Variants in PSMA2 observed in about 807,000 individuals in gnomAD.
PSMA2 encodes the protein proteasome 20S subunit alpha 2.
A neutral mutation model predicts 35.9 loss-of-function variants in PSMA2; 2 were observed. The observed-to-expected ratio is 0.06, with a 90% CI of 0.02 to 0.18. The LOEUF is 0.18. PSMA2 is among the 10% of genes least tolerant of loss of function. The probability of loss-of-function intolerance (pLI) is 1.00; values close to 1 mark genes in which losing one functional copy is unlikely to be tolerated. For missense variants in PSMA2, 126 were observed against 278.8 expected (o/e 0.45, Z 3.90); for synonymous variants, 97 against 98.2 (o/e 0.99, Z 0.07).
At chr7:42,919,809 G>A in intron 6 of PSMA2, 1 of 696,224 alleles carries the variant, frequency 1.4e-6, no homozygotes, top group Non-Finnish European at 2.7e-6. Context: ...TAATAGTGGA[G>A]AAGAATTAGA....
At chr7:42,919,306 C>T (rs1786087459) in intron 6 of PSMA2, 1 of 602,742 alleles carries the variant, frequency 1.7e-6, no homozygotes, top group Non-Finnish European at 3.3e-6. Flanking sequence ...GTGTGGGATG[C>T]TATCCCAGGA....
chr7:42,922,743 A>G (rs2162602), intron 5 of PSMA2, among the ~76,000 whole-genome samples: 12,710 of 152,284 alleles, frequency 0.083, 613 homozygotes, highest in Middle Eastern at 0.13. Context: ...TCCATAAAAC[A>G]TGAAAGATCA....
chr7:42,925,179 A>G (rs938264115), intron 3 of PSMA2, among the ~76,000 whole-genome samples: 2 of 152,190 alleles, frequency 1.3e-5, no homozygotes, highest in African/African-American at 4.8e-5. Context: ...TTCTCACTTC[A>G]GGTCACTACT....
At chr7:42,921,524 G>A (rs1011740268) in intron 6 of PSMA2, 1 of 180,378 alleles carries the variant, frequency 5.5e-6, no homozygotes, top group African/African-American at 2.4e-5. Context: ...TTAAAAATTT[G>A]TCTCCCCAAA....
rs1453271169 is a variant in PSMA2, at chr7:42,919,022, C to T, written c.531-1187G>A. ...TATTTTTAGTAGAGACGGGGTTTCA[C>T]CATGTTGGCCCAGCTGGTCTCGAAC... On this transcript the variant is annotated intron_variant, in intron 6 of 7. Transcript: ENST00000223321. 2.7e-5 allele frequency: 7 copies of T among 256,444 alleles called. No homozygotes were observed. In the Admixed American group the frequency reaches 3.2e-4, roughly 12 times the overall value. The allele number at this position is 256,444 out of a possible 1,614,324, so 15.9% of individuals were successfully genotyped here.
rs547806593 is a variant in PSMA2 at position 42,917,412 on chromosome 7, TG to T, written c.*161del. On this transcript the variant is annotated 3_prime_UTR_variant, in exon 8 of 8. Coordinates refer to ENST00000223321, the MANE Select transcript of PSMA2 (RefSeq NM_002787.5). ...TAGCAACTCCTAAAAGGCTGGAAGG[TG>T]GGTTTAACAGTTTATTAGGATTTAT... The T allele has an allele frequency of 1.7e-3, 918 of 544,614 alleles. No homozygotes were observed. Among genetic ancestry groups the T allele is most frequent in the Middle Eastern group, 5.4e-3 (11 of 2,020 alleles). The allele number at this position is 544,614 out of a possible 1,614,324, so 33.7% of individuals were successfully genotyped here.
At chr7:42,924,618 T>A in intron 4 of PSMA2, 57 bp downstream of exon 4, 1 of 1,551,156 alleles carries the variant, frequency 6.4e-7, no homozygotes, top group Middle Eastern at 1.9e-4. Context: ...TACCTACTCT[T>A]TAAAATAACT....
Position 42,923,173 on chromosome 7 carries a change from T to A in PSMA2, c.456+152A>T. The A allele has an allele frequency of 4.9e-6, 3 of 610,124 alleles. No individual in the cohort carries two copies. In the South Asian group the frequency reaches 7.0e-5, roughly 14 times the overall value. 37.8% of individuals were successfully genotyped at this position (610,124 alleles called of 1,614,324 possible). Reference sequence around the variant, plus strand: ...GACCAAATTACCAAAATTTTAAATATACACACAAAAATGCACAACCTCATA... The same window carrying A: ...GACCAAATTACCAAAATTTTAAATAAACACACAAAAATGCACAACCTCATA... On this transcript the variant is annotated intron_variant, in intron 5 of 7. Transcript: ENST00000223321.
At chr7:42,918,073 C>CT (rs56108431) in intron 6 of PSMA2, 141,403 of 167,444 alleles carry the variant, frequency 0.84, 59,594 homozygotes, top group Admixed American at 0.87. Flanking sequence ...GTTTAGGAAA[C>CT]TTTTTTTTTT....
intron 3 of PSMA2, among the ~76,000 whole-genome samples, chr7:42,925,024 AC>A (rs2128674316): frequency 6.6e-6 from 1 of 152,340 alleles, no homozygotes; most frequent in Non-Finnish European, 1.5e-5. Flanking sequence ...GATTTAATGT[AC>A]AAAAATGAGA....
chr7:42,928,338 C>T (rs893284422), intron 1 of PSMA2, among the ~76,000 whole-genome samples: 1 of 152,082 alleles, frequency 6.6e-6, no homozygotes, highest in Non-Finnish European at 1.5e-5. Context: ...TGTTAAAAAC[C>T]AAACAGCAGC....
In PSMA2 at chr7:42,924,687, T is replaced by C; in HGVS notation, c.362A>G (p.Tyr121Cys). Residue 121 changes from tyrosine (Y) to cysteine (C), a missense_variant, in exon 4 of 8, where the codon TAT becomes TGT. Physicochemically the swap from Tyr to Cys is radical, Grantham distance 194. Around this residue, in one of 3 missense-constraint regions of PSMA2, gnomAD observed 78 missense variants for 151.1 expected, o/e 0.52. Transcript: ENST00000223321. ...AAAAGCAACTTACCCTGACTGAGTATATTCTTGCATCACAGAAGCTACTCT... is the reference window on the plus strand; with the variant it reads ...AAAAGCAACTTACCCTGACTGAGTACATTCTTGCATCACAGAAGCTACTCT... ...VQRVASVMQE[Y>C]TQSGGVRPFG... is the part of the protein sequence containing the mutation. The C allele has an allele frequency of 6.2e-7, 1 of 1,612,240 alleles. No individual in the cohort carries two copies. Among genetic ancestry groups the C allele is most frequent in the African/African-American group, 1.3e-5 (1 of 74,984 alleles).
In PSMA2 at chr7:42,924,689, T is replaced by C. The variant is rs765913483; in HGVS notation, c.360A>G (p.Glu120=). 2.5e-6 allele frequency: 4 copies of C among 1,612,478 alleles called. No individual in the cohort carries two copies. Among genetic ancestry groups the C allele is most frequent in the Non-Finnish European group, 2.5e-6 (3 of 1,179,032 alleles). The change falls in exon 4 of 8, where the codon GAA becomes GAG. Residue 120 remains glutamate (E), a synonymous_variant. Coordinates refer to ENST00000223321, the MANE Select transcript of PSMA2 (RefSeq NM_002787.5). ...LVQRVASVMQ[E]YTQSGGVRPF... ...AAGCAACTTACCCTGACTGAGTATA[T>C]TCTTGCATCACAGAAGCTACTCTCT...
intron 1 of PSMA2, among the ~76,000 whole-genome samples, chr7:42,930,225 GCACACACACA>G (rs60660330): frequency 6.0e-5 from 9 of 150,262 alleles, no homozygotes; most frequent in East Asian, 3.9e-4. Context: ...ACACACACAC[GCACACACACA>G]CACACACACA....
Position 42,924,677 on chromosome 7 carries a change from T to A in PSMA2, c.372A>T (p.Ser124=). The A allele has an allele frequency of 1.2e-6, 2 of 1,610,306 alleles. No individual in the cohort carries two copies. Among genetic ancestry groups the A allele is most frequent in the Non-Finnish European group, 1.7e-6 (2 of 1,177,938 alleles). The change falls in exon 4 of 8, where the codon TCA becomes TCT. Residue 124 remains serine, a splice_region_variant and synonymous_variant. Coordinates refer to ENST00000223321, the MANE Select transcript of PSMA2 (RefSeq NM_002787.5). ...VASVMQEYTQ[S]GGVRPFGVSL... is the part of the protein sequence containing the mutation. ...TTCAAGTAAAAAAAGCAACTTACCCTGACTGAGTATATTCTTGCATCACAG... is the reference window on the plus strand; with the variant it reads ...TTCAAGTAAAAAAAGCAACTTACCCAGACTGAGTATATTCTTGCATCACAG...
At chr7:42,924,826 C>T in intron 3 of PSMA2, 29 bp from the exon 4 acceptor site, 1 of 1,593,468 alleles carries the variant, frequency 6.3e-7, no homozygotes. Context: ...GATTTAATTA[C>T]ACAGAACATG....
intron 1 of PSMA2, among the ~76,000 whole-genome samples, chr7:42,930,837 T>C (rs1023929402): frequency 1.3e-5 from 2 of 152,024 alleles, no homozygotes; most frequent in Non-Finnish European, 2.9e-5. Flanking sequence ...AAGGACCACA[T>C]TTGTTTTCTT....
At chr7:42,923,490 G>T in intron 4 of PSMA2, 84 bp from the exon 5 acceptor site, 1 of 1,027,334 alleles carries the variant, frequency 9.7e-7, no homozygotes, top group Non-Finnish European at 1.5e-6. Context: ...CTCAAATAAA[G>T]CAAATTATCA....
intron 6 of PSMA2, chr7:42,919,632 G>T (rs138760570): frequency 4.4e-5 from 25 of 567,770 alleles, no homozygotes; most frequent in African/African-American, 4.3e-4. Context: ...CTGAGGGAGA[G>T]ATTTTGGTAA....
Sources: allele counts gnomAD v4.1 joint callset (sites outside exome capture counted in the v4.1 genomes callset), GRCh38; gene constraint gnomAD v4.1.1; regional missense constraint gnomAD v4.1.1; transcripts MANE v1.5; gene names NCBI Gene and HGNC (gene_info 2026-07-23, HGNC 2026-07-21).